The following ZNF827 variants were observed in gnomAD, a reference collection of about 807,000 sequenced individuals.
The protein encoded by ZNF827 is zinc finger protein 827.
ZNF827 carries 13 observed loss-of-function variants against 102.4 expected under a neutral mutation model. The ratio of observed to expected loss-of-function variants is 0.13; its 90% CI spans 0.08 to 0.20. ZNF827 has a LOEUF of 0.20. Among genes scored for constraint, ZNF827 ranks in the 10% least tolerant of loss-of-function variants. The pLI is 1.00. For synonymous variants in ZNF827, 523 were observed against 536.2 expected (o/e 0.98, Z 0.34); for missense variants, 1,103 against 1,344.4 (o/e 0.82, Z 2.81).
At chr4:145,812,615 C>G (rs765563859) in intron 8 of ZNF827, among the ~76,000 whole-genome samples, 2 of 152,072 alleles carry the variant, frequency 1.3e-5, no homozygotes, top group Admixed American at 1.3e-4. Context: ...GCAGCCTCTG[C>G]CGCCTGGGTT....
intron 7 of ZNF827, among the ~76,000 whole-genome samples, chr4:145,829,810 G>A (rs1744028810): frequency 6.6e-6 from 1 of 152,144 alleles, no homozygotes; most frequent in Non-Finnish European, 1.5e-5. Context: ...CAGTTGTTAA[G>A]CCACTGCAAT....
At chr4:145,937,514 C>G (rs1754285646) in intron 1 of ZNF827, among the ~76,000 whole-genome samples, 1 of 148,480 alleles carries the variant, frequency 6.7e-6, no homozygotes, top group Non-Finnish European at 1.5e-5. Flanking sequence ...GCGCAGCTCC[C>G]GCACCCCACA....
chr4:145,931,020 G>T (rs1753763257), intron 1 of ZNF827, among the ~76,000 whole-genome samples: 1 of 152,132 alleles, frequency 6.6e-6, no homozygotes, highest in South Asian at 2.1e-4. Context: ...GGAATGACAG[G>T]AGTCATCAGA....
chr4:145,889,182 GA>G (rs1750385808), intron 3 of ZNF827, among the ~76,000 whole-genome samples: 1 of 152,076 alleles, frequency 6.6e-6, no homozygotes, highest in Admixed American at 6.5e-5. Context: ...CACAAAAAGG[GA>G]AAAGGAATAA....
chr4:145,851,748 C>A (rs1245329381), intron 5 of ZNF827, among the ~76,000 whole-genome samples: 6 of 152,104 alleles, frequency 3.9e-5, no homozygotes, highest in South Asian at 4.1e-4. Context: ...GTCTGCAAAG[C>A]AGCTCATAAA....
chr4:145,929,460 T>C (rs1469706948), intron 1 of ZNF827, among the ~76,000 whole-genome samples: 3 of 152,214 alleles, frequency 2.0e-5, no homozygotes, highest in Non-Finnish European at 4.4e-5. Flanking sequence ...ATAATGCATA[T>C]GATTATTACA....
At chr4:145,773,440 C>A (rs1015479217) in intron 11 of ZNF827, among the ~76,000 whole-genome samples, 1 of 152,224 alleles carries the variant, frequency 6.6e-6, no homozygotes, top group African/African-American at 2.4e-5. Flanking sequence ...GTCAGCACAA[C>A]TGTCAGGGAA....
chr4:145,843,812 T>C (rs900366882), intron 7 of ZNF827, among the ~76,000 whole-genome samples: 1 of 152,198 alleles, frequency 6.6e-6, no homozygotes, highest in Non-Finnish European at 1.5e-5. Flanking sequence ...AGGGGATTAC[T>C]TGAAGCTAGT....
chr4:145,886,635 A>G (rs1750140306), intron 3 of ZNF827, among the ~76,000 whole-genome samples: 2 of 152,276 alleles, frequency 1.3e-5, no homozygotes, highest in South Asian at 4.2e-4. Context: ...CTCTTAGGTA[A>G]TTAAGAATGT....
Position 145,763,630 on chromosome 4 carries a change from G to A in ZNF827, c.3231-508C>T, listed in dbSNP as rs1012330461. On this transcript the variant is annotated intron_variant, in intron 13 of 14. Transcript: ENST00000508784. The surrounding 1 kb of genome is among the most constrained non-coding windows in gnomAD (Gnocchi z 4.6). ...AGCCACAACTGGCAGGGGCTGCAAT[G>A]TTCATGGGTGTGACTGGGCTACTGG... 6.6e-6 allele frequency among the ~76,000 whole-genome samples: 1 copy of A among 152,214 alleles called. No individual in the cohort carries two copies. Among genetic ancestry groups the A allele is most frequent in the African/African-American group, 2.4e-5 (1 of 41,448 alleles).
At chr4:145,864,420 CAAAAAAAAA>C (rs34745619) in intron 5 of ZNF827, among the ~76,000 whole-genome samples, 2 of 60,806 alleles carry the variant, frequency 3.3e-5, no homozygotes, top group African/African-American at 7.2e-5. Context: ...CTTGTCTCTA[CAAAAAAAAA>C]AAAAAAAAAA....
intron 3 of ZNF827, among the ~76,000 whole-genome samples, chr4:145,889,837 C>T (rs183032519): frequency 6.6e-6 from 1 of 151,846 alleles, no homozygotes; most frequent in Non-Finnish European, 1.5e-5. Context: ...ATTAGCCAGG[C>T]GTGGTGGCGG....
chr4:145,853,467 C>T (rs1225076798), intron 5 of ZNF827, among the ~76,000 whole-genome samples: 1 of 152,112 alleles, frequency 6.6e-6, no homozygotes, highest in African/African-American at 2.4e-5. Flanking sequence ...ATAGTCTCAG[C>T]CACTCAGGAG....
chr4:145,765,592 G>T lies in ZNF827; in HGVS notation c.3007C>A (p.Pro1003Thr), dbSNP rs781521090. 1 of 1,613,926 alleles carries T rather than the reference G, an allele frequency of 6.2e-7. No individual in the cohort carries two copies. The highest frequency in any genetic ancestry group is 1.3e-5 in the African/African-American group (1 of 74,898). The change falls in exon 12 of 15, where the codon CCT becomes ACT. Residue 1003 changes from proline (P) to threonine (T), a missense_variant. Coordinates refer to ENST00000508784, the MANE Select transcript of ZNF827 (RefSeq NM_001306215.2). The surrounding 1 kb of genome is among the most constrained non-coding windows in gnomAD (Gnocchi z 4.7). ...CTGTTCAGTGAGGGCTGGCTCCCAG[G>T]CATGACAGAGATGACCAGCAGATTG... The part of the protein sequence containing the change: ...GNNLLVISVM[P>T]GSQPSLNSEE...
chr4:145,865,892 G>A (rs1748140127), intron 5 of ZNF827, among the ~76,000 whole-genome samples: 1 of 152,158 alleles, frequency 6.6e-6, no homozygotes, highest in African/African-American at 2.4e-5. Context: ...CCCAGTTAAA[G>A]CCAAGACACT....
chr4:145,926,349 A>C (rs1168590090), intron 1 of ZNF827, among the ~76,000 whole-genome samples: 1 of 152,178 alleles, frequency 6.6e-6, no homozygotes, highest in African/African-American at 2.4e-5. Flanking sequence ...CTCAATAACT[A>C]ATTTCTCATA....
chr4:145,908,371 G>C (rs530514817), intron 1 of ZNF827, among the ~76,000 whole-genome samples: 1 of 152,068 alleles, frequency 6.6e-6, no homozygotes, highest in Non-Finnish European at 1.5e-5. Flanking sequence ...GCTTTCTCAC[G>C]GTCAACTCTC....
At chr4:145,842,405 T>C (rs1315921967) in intron 7 of ZNF827, among the ~76,000 whole-genome samples, 1 of 152,194 alleles carries the variant, frequency 6.6e-6, no homozygotes, top group African/African-American at 2.4e-5. Context: ...GTTCTCTTGG[T>C]GCAGGACACG....
rs183941766 is a variant in ZNF827, at chr4:145,872,240, G to A, written c.1748-1762C>T. On this transcript the variant is annotated intron_variant, in intron 4 of 14. Coordinates refer to ENST00000508784, the MANE Select transcript of ZNF827 (RefSeq NM_001306215.2). Reference sequence around the variant, plus strand: ...ACCTGGAGGTAGGACCTCGAAGGAGGTAATTAAGGTTAAATGAGGTCATAA... The same window carrying A: ...ACCTGGAGGTAGGACCTCGAAGGAGATAATTAAGGTTAAATGAGGTCATAA... Among the ~76,000 whole-genome samples, 302 of 152,304 alleles carry A rather than the reference G, an allele frequency of 2.0e-3. 1 individual carries two copies. The highest frequency in any genetic ancestry group is 3.0e-3 in the Non-Finnish European group (206 of 68,028).
Sources: gnomAD v4.1 joint callset for allele counts (sites outside exome capture counted in the v4.1 genomes callset) on GRCh38, gnomAD v4.1.1 for gene constraint, Gnocchi (gnomAD v3.1) non-coding constraint, MANE v1.5 for transcripts, NCBI Gene and HGNC (gene_info 2026-07-23, HGNC 2026-07-21) for gene names.